PDE1C: variants seen among roughly 807,000 people sequenced by gnomAD.
The protein encoded by PDE1C is dual specificity calcium/calmodulin-dependent 3',5'-cyclic nucleotide phosphodiesterase 1C.
A neutral mutation model predicts 93.1 loss-of-function variants in PDE1C; 62 were observed. The observed-to-expected ratio is 0.67, with a 90% CI of 0.54 to 0.82. PDE1C has a LOEUF of 0.82. Among genes scored for constraint, PDE1C ranks in the 40% least tolerant of loss-of-function variants. The pLI, the probability that PDE1C is intolerant of heterozygous loss-of-function variation, is 0.00. For missense variants in PDE1C, 742 were observed against 884.6 expected, an observed-to-expected ratio of 0.84 and a Z score of 2.04; for synonymous variants, 325 against 310.1, an observed-to-expected ratio of 1.05 and a Z score of -0.50.
At chr7:31,899,044 A>G (rs1799647241) in intron 2 of PDE1C, among the ~76,000 whole-genome samples, 1 of 151,410 alleles carries the variant, frequency 6.6e-6, no homozygotes, top group Admixed American at 6.6e-5. Flanking sequence ...GAAGCGCTCC[A>G]TAATTCATGC....
At chr7:31,826,404 A>C (rs1789672365) in intron 12 of PDE1C, among the ~76,000 whole-genome samples, 1 of 152,180 alleles carries the variant, frequency 6.6e-6, no homozygotes, top group African/African-American at 2.4e-5. Flanking sequence ...ACAGTGTTGT[A>C]ATTGTGTATG....
At chr7:32,292,713 T>G (rs1257700749) in intron 1 of PDE1C, among the ~76,000 whole-genome samples, 5 of 152,150 alleles carry the variant, frequency 3.3e-5, no homozygotes. Context: ...CTCTACTCAG[T>G]GCAATTTACC....
At chr7:32,007,503 T>C (rs1313598225) in intron 2 of PDE1C, among the ~76,000 whole-genome samples, 1 of 152,206 alleles carries the variant, frequency 6.6e-6, no homozygotes, top group Non-Finnish European at 1.5e-5. Context: ...GCTTGAATTA[T>C]TATTTTTTAA....
rs146017125 is a variant in PDE1C at position 31,978,093 on chromosome 7, G to T, written c.128+73461C>A. ...CAGAGCCAGGGTTCAAATCCAGGCT[G>T]TCCAACTCCAAAGTTCATACACTGC... is the stretch of plus-strand genomic sequence containing the variant. On this transcript the variant is annotated intron_variant, in intron 2 of 17. Transcript: ENST00000396191. Among the ~76,000 whole-genome samples, 360 of 152,244 alleles carry T rather than the reference G, an allele frequency of 2.4e-3. 1 individual carries two copies. The highest frequency in any genetic ancestry group is 8.3e-3 in the African/African-American group (346 of 41,564).
At chr7:32,301,849 G>A (rs922993316), upstream of PDE1C, among the ~76,000 whole-genome samples, 1 of 152,240 alleles carries the variant, frequency 6.6e-6, no homozygotes, top group Non-Finnish European at 1.5e-5. Context: ...ATTAATGTCT[G>A]CAGATGAAAT....
intron 5 of PDE1C, among the ~76,000 whole-genome samples, chr7:31,875,634 C>A (rs535432927): frequency 6.6e-6 from 1 of 151,398 alleles, no homozygotes; most frequent in Admixed American, 6.6e-5. Flanking sequence ...GAAGCGTGAA[C>A]CTCCTCATCT....
Position 31,760,818 on chromosome 7 carries a change from C to T in PDE1C, c.1961-7265G>A, listed in dbSNP as rs553249071. Among the ~76,000 whole-genome samples the T allele has an allele frequency of 2.9e-4, 44 of 150,458 alleles. No individual in the cohort carries two copies. The South Asian group carries it at 8.4e-3, about 29-fold the overall frequency. On this transcript the variant is annotated intron_variant, in intron 17 of 17. Coordinates refer to ENST00000396191, the MANE Select transcript of PDE1C (RefSeq NM_001191057.4). Reference sequence around the variant, plus strand: ...CACCAAACCACATATACTAAACTAACGAAATTAAAATAATCATTTATTGCC... The same window carrying T: ...CACCAAACCACATATACTAAACTAATGAAATTAAAATAATCATTTATTGCC...
intron 3 of PDE1C, among the ~76,000 whole-genome samples, chr7:32,127,833 A>G (rs1456599195): frequency 2.6e-5 from 4 of 152,058 alleles, no homozygotes; most frequent in Admixed American, 2.6e-4. Context: ...GTATAATTTC[A>G]ACGGGACTTT....
At chr7:31,979,898 A>C (rs1563137017) in intron 2 of PDE1C, among the ~76,000 whole-genome samples, 1 of 152,198 alleles carries the variant, frequency 6.6e-6, no homozygotes, top group Non-Finnish European at 1.5e-5. Flanking sequence ...GGTAGTACCA[A>C]CACTCTTCAG....
chr7:31,832,665 A>C (rs1172480679), intron 11 of PDE1C, among the ~76,000 whole-genome samples: 1 of 152,196 alleles, frequency 6.6e-6, no homozygotes, highest in African/African-American at 2.4e-5. Flanking sequence ...AAGTCAATAA[A>C]AATAATTTAC....
chr7:31,679,820 G>A, the PDE1C span, among the ~76,000 whole-genome samples: 1 of 152,194 alleles, frequency 6.6e-6, no homozygotes, highest in Admixed American at 6.5e-5. Flanking sequence ...TGTTTGACAG[G>A]CTTTGGCGAC....
intron 3 of PDE1C, among the ~76,000 whole-genome samples, chr7:32,106,258 G>C (rs1213782461): frequency 6.6e-6 from 1 of 152,030 alleles, no homozygotes; most frequent in African/African-American, 2.4e-5. Flanking sequence ...GCCTCAAGCA[G>C]GCAGCCTCCC....
chr7:31,853,256 C>T (rs1277023435), intron 7 of PDE1C, among the ~76,000 whole-genome samples: 4 of 152,162 alleles, frequency 2.6e-5, no homozygotes. Context: ...GTCTTTAAAA[C>T]TCATTTTACC....
the PDE1C span, among the ~76,000 whole-genome samples, chr7:31,672,014 A>G: frequency 6.6e-6 from 1 of 151,638 alleles, no homozygotes; most frequent in South Asian, 2.1e-4. Context: ...ATTTGTGAAA[A>G]CCCCATTTGG....
chr7:32,206,956 C>T (rs1322068901), intron 2 of PDE1C, among the ~76,000 whole-genome samples: 5 of 152,224 alleles, frequency 3.3e-5, no homozygotes, highest in Non-Finnish European at 7.3e-5. Context: ...TTTGAGTTCC[C>T]TTCCCTCTTC....
intron 2 of PDE1C, among the ~76,000 whole-genome samples, chr7:31,930,623 G>A (rs947588950): frequency 5.1e-4 from 77 of 151,968 alleles, no homozygotes; most frequent in African/African-American, 1.7e-3. Context: ...GGCGGATCAC[G>A]AGGTCAGGAG....
intron 1 of PDE1C, among the ~76,000 whole-genome samples, chr7:32,261,782 T>A (rs984056933): frequency 2.0e-5 from 3 of 152,204 alleles, no homozygotes; most frequent in African/African-American, 7.2e-5. Flanking sequence ...TTTTGGTGGA[T>A]ATAAGTCATT....
intron 2 of PDE1C, among the ~76,000 whole-genome samples, chr7:32,025,387 G>A (rs989333971): frequency 3.9e-5 from 6 of 152,066 alleles, no homozygotes; most frequent in Non-Finnish European, 8.8e-5. Flanking sequence ...GAGGGTAGGG[G>A]GATTAGCAGA....
intron 7 of PDE1C, among the ~76,000 whole-genome samples, chr7:31,861,383 C>G (rs1794677257): frequency 6.6e-6 from 1 of 152,070 alleles, no homozygotes; most frequent in Non-Finnish European, 1.5e-5. Flanking sequence ...AGTTCCATGT[C>G]TTCTTATACT....
Sources: allele counts gnomAD v4.1 joint callset (sites outside exome capture counted in the v4.1 genomes callset), GRCh38; gene constraint gnomAD v4.1.1; transcripts MANE v1.5; gene names NCBI Gene and HGNC (gene_info 2026-07-23, HGNC 2026-07-21).